Variants in PITX1 observed in about 807,000 individuals in gnomAD.
The protein encoded by PITX1 is paired like homeodomain 1.
Under a neutral mutation model 24.1 loss-of-function variants are expected in PITX1, and 5 were observed. The observed-to-expected ratio is 0.21, with a 90% CI of 0.11 to 0.44. PITX1 has a LOEUF of 0.44. Ranked by LOEUF, PITX1 falls within the 20% of genes least tolerant of loss-of-function variation. The probability of loss-of-function intolerance (pLI) is 0.99; values close to 1 mark genes in which losing one functional copy is unlikely to be tolerated. For missense variants in PITX1, 401 were observed against 455.4 expected (o/e 0.88, Z 1.09); for synonymous variants, 213 against 208.9 (o/e 1.02, Z -0.17).
chr5:135,030,179 T>A (rs1752424188), intron 2 of PITX1, among the ~76,000 whole-genome samples: 1 of 152,170 alleles, frequency 6.6e-6, no homozygotes, highest in Non-Finnish European at 1.5e-5. Flanking sequence ...TCCTTACCTA[T>A]CTGCCTACCG....
Position 135,033,685 on chromosome 5 carries a change from T to A in PITX1, c.169+28A>T, listed in dbSNP as rs1025671284. 3.1e-6 allele frequency: 5 copies of A among 1,591,188 alleles called. No individual in the cohort carries two copies. The highest frequency in any genetic ancestry group is 4.3e-6 in the Non-Finnish European group (5 of 1,175,958). ...GTGCTCCGCGCCCGGGTAGGCTCTG[T>A]GCGCGCCGCGCGGGGAACGGCGCTT... On this transcript the variant is annotated intron_variant, in intron 1 of 2. Coordinates refer to ENST00000265340, the MANE Select transcript of PITX1 (RefSeq NM_002653.5). This position sits in a 1 kb window ranked among gnomAD's most constrained non-coding sequence, Gnocchi z 5.9.
In PITX1 at chr5:135,028,907, C is replaced by T. The variant is rs747391523; in HGVS notation, c.817G>A (p.Val273Ile). ...PYGTPASPYSVYRDTCNSSLA... is the reference protein window; with the variant it reads ...PYGTPASPYSIYRDTCNSSLA... The stretch of plus-strand genomic sequence containing the variant: ...CTCGAGTTGCACGTGTCCCGGTAGA[C>T]GCTGTAGGGCGAGGCGGGAGTGCCG... The change falls in exon 3 of 3, where the codon GTC (valine) becomes ATC (isoleucine). Residue 273 changes from valine to isoleucine, a missense_variant. Val to Ile is a conservative substitution (Grantham distance 29). This residue lies in a region of PITX1 where 217 missense variants were observed against 219.8 expected (regional missense o/e 0.99). Coordinates refer to ENST00000265340, the MANE Select transcript of PITX1 (RefSeq NM_002653.5). 2.5e-6 allele frequency: 4 copies of T among 1,613,764 alleles called. No individual in the cohort carries two copies. Among genetic ancestry groups the T allele is most frequent in the Middle Eastern group, 1.7e-4 (1 of 6,054 alleles).
chr5:135,031,642 G>T (rs772684588), intron 1 of PITX1, 134 bp from the exon 2 acceptor site: 12 of 731,392 alleles, frequency 1.6e-5, no homozygotes, highest in Non-Finnish European at 2.2e-5. Flanking sequence ...CCTGGGAACT[G>T]TCCCCACTGG....
chr5:135,030,740 A>T lies in PITX1; in HGVS notation c.402+536T>A, dbSNP rs940459274. Among the ~76,000 whole-genome samples the T allele has an allele frequency of 1.1e-4, 16 of 152,244 alleles. No individual in the cohort carries two copies. The East Asian group carries it at 1.5e-3, about 15-fold the overall frequency. On this transcript the variant is annotated intron_variant, in intron 2 of 2. Transcript: ENST00000265340. ...CAAAGGGTCCTACTGATGGCTGGGGAGGGTGGAGAATATCTTGAGCTTTTA... is the reference window on the plus strand; with the variant it reads ...CAAAGGGTCCTACTGATGGCTGGGGTGGGTGGAGAATATCTTGAGCTTTTA...
Position 135,033,974 on chromosome 5 carries a change from T to A in PITX1, c.-93A>T. On this transcript the variant is annotated 5_prime_UTR_variant, in exon 1 of 3. It removes the in-frame stop codon of an upstream open reading frame in the 5' UTR. Transcript: ENST00000265340. This position sits in a 1 kb window ranked among gnomAD's most constrained non-coding sequence, Gnocchi z 5.9. ...CCTGCGGGGACAAGAGCGCAGCGCC[T>A]AAGCGGCTGCCCTCCAGGGCTGCCG... 3 of 839,014 alleles carry A rather than the reference T, an allele frequency of 3.6e-6. No individual in the cohort carries two copies. Among genetic ancestry groups the A allele is most frequent in the Non-Finnish European group, 4.8e-6 (3 of 630,244 alleles). The allele number at this position is 839,014 out of a possible 1,614,324, so 52.0% of individuals were successfully genotyped here. A position where few individuals can be genotyped will look rare whatever the true frequency, so the allele number is the denominator to read the frequency against.
rs766860676 is a variant in PITX1 at position 135,031,285 on chromosome 5, C to G, written c.393G>C (p.Pro131=). The G allele has an allele frequency of 1.2e-6, 2 of 1,613,932 alleles. No homozygotes were observed. Among genetic ancestry groups the G allele is most frequent in the African/African-American group, 2.7e-5 (2 of 75,044 alleles). ...CGCACCCCTTGCTCACCCGCACGCG[C>G]GGCTCGGTGAGGTTGGTCCACACGG... The part of the protein sequence containing the change: ...EIAVWTNLTE[P]RVRVWFKNRR... The change falls in exon 2 of 3, where the codon CCG becomes CCC. Residue 131 remains proline (P), a synonymous_variant. Coordinates refer to ENST00000265340, the MANE Select transcript of PITX1 (RefSeq NM_002653.5).
At chr5:135,029,772 G>A (rs1395326918) in intron 2 of PITX1, among the ~76,000 whole-genome samples, 1 of 152,178 alleles carries the variant, frequency 6.6e-6, no homozygotes, top group African/African-American at 2.4e-5. Context: ...CAAATAGTTT[G>A]TTATCATCTT....
intron 2 of PITX1, 95 bp downstream of exon 2, chr5:135,031,181 A>G (rs376433854): frequency 1.1e-6 from 1 of 896,024 alleles, no homozygotes. Context: ...GGGAGAGTGA[A>G]GTTCTGCTTG....
At chr5:135,031,154 G>A (rs1296841242) in intron 2 of PITX1, 122 bp downstream of exon 2, 1 of 754,244 alleles carries the variant, frequency 1.3e-6, no homozygotes, top group Non-Finnish European at 2.3e-6. Flanking sequence ...TGGAGGGAGG[G>A]AGCAGGTCTG....
intron 2 of PITX1, among the ~76,000 whole-genome samples, chr5:135,030,722 T>G (rs1263139244): frequency 2.0e-5 from 3 of 152,100 alleles, no homozygotes; most frequent in South Asian, 2.1e-4. Context: ...AGGCAAAGGG[T>G]CCTACTGATG....
chr5:135,033,614 A>T lies in PITX1; in HGVS notation c.169+99T>A, dbSNP rs1752504356. On this transcript the variant is annotated intron_variant, in intron 1 of 2. Coordinates refer to ENST00000265340, the MANE Select transcript of PITX1 (RefSeq NM_002653.5). This position sits in a 1 kb window ranked among gnomAD's most constrained non-coding sequence, Gnocchi z 5.9. ...CCTGACGCTTCTGGGGCGGAGAGGG[A>T]GCTTGGTTGCGCGGCGCGGGCGTCA... The T allele has an allele frequency of 8.3e-7, 1 of 1,208,092 alleles. No homozygotes were observed. The highest frequency in any genetic ancestry group is 1.2e-6 in the Non-Finnish European group (1 of 846,274). The allele number at this position is 1,208,092 out of a possible 1,614,324, so 74.8% of individuals were successfully genotyped here. A position where few individuals can be genotyped will look rare whatever the true frequency, so the allele number is the denominator to read the frequency against.
Position 135,033,458 on chromosome 5 carries a change from C to T in PITX1, c.169+255G>A. 1.8e-6 allele frequency: 1 copy of T among 541,154 alleles called. No homozygotes were observed. Among genetic ancestry groups the T allele is most frequent in the Non-Finnish European group, 3.3e-6 (1 of 304,556 alleles). 33.5% of individuals were successfully genotyped at this position (541,154 alleles called of 1,614,324 possible). A position where few individuals can be genotyped will look rare whatever the true frequency, so the allele number is the denominator to read the frequency against. On this transcript the variant is annotated intron_variant, in intron 1 of 2. Transcript: ENST00000265340. The surrounding 1 kb of genome is among the most constrained non-coding windows in gnomAD (Gnocchi z 5.9). The stretch of plus-strand genomic sequence containing the variant: ...TTTACTCCTGATCAAGAGGGGCTGT[C>T]AGTCCAACCCTCCAGCTGTAGGCTC...
rs1230362856 is a variant in PITX1 at position 135,033,611 on chromosome 5, G to C, written c.169+102C>G. 1 of 1,186,086 alleles carries C rather than the reference G, an allele frequency of 8.4e-7. No individual in the cohort carries two copies. The highest frequency in any genetic ancestry group is 1.5e-5 in the African/African-American group (1 of 65,178). The allele number at this position is 1,186,086 out of a possible 1,614,324, so 73.5% of individuals were successfully genotyped here. A position where few individuals can be genotyped will look rare whatever the true frequency, so the allele number is the denominator to read the frequency against. On this transcript the variant is annotated intron_variant, in intron 1 of 2. Coordinates refer to ENST00000265340, the MANE Select transcript of PITX1 (RefSeq NM_002653.5). The surrounding 1 kb of genome is among the most constrained non-coding windows in gnomAD (Gnocchi z 5.9). The stretch of plus-strand genomic sequence containing the variant: ...GCTCCTGACGCTTCTGGGGCGGAGA[G>C]GGAGCTTGGTTGCGCGGCGCGGGCG...
intron 1 of PITX1, 37 bp from the exon 2 acceptor site, chr5:135,031,545 T>G: frequency 6.5e-7 from 1 of 1,527,478 alleles, no homozygotes; most frequent in Non-Finnish European, 8.9e-7. Context: ...TCACCTGGGC[T>G]TACGCCCCGT....
At chr5:135,031,745 T>G (rs1752455282) in intron 1 of PITX1, 3 of 591,064 alleles carry the variant, frequency 5.1e-6, no homozygotes, top group East Asian at 5.6e-5. Context: ...GCCGCGGGCC[T>G]GCGTTCCTGG....
rs578106534 is a variant in PITX1 at position 135,028,682 on chromosome 5, CT to C, written c.*96del. 4.6e-4 allele frequency: 384 copies of C among 834,812 alleles called. 1 individual carries two copies. In the African/African-American group the frequency reaches 6.5e-3, roughly 14 times the overall value. 51.7% of individuals were successfully genotyped at this position (834,812 alleles called of 1,614,324 possible). On this transcript the variant is annotated 3_prime_UTR_variant, in exon 3 of 3. Transcript: ENST00000265340. ...GGTGTGAGGTCCGCGGCGCGGTGAG[CT>C]GGGGCTTGCGAGCCGGGGCCCCGCG...
At position 135,031,287 on chromosome 5, in the gene PITX1, GCT is replaced by G. The variant is rs1752442755; in HGVS notation, c.389_390del (p.Glu130AlafsTer16). ...EEIAVWTNLT[E>X]PRVRVWFKNR... ...CACCCCTTGCTCACCCGCACGCGCG[GCT>G]CGGTGAGGTTGGTCCACACGGCGAT... On this transcript the variant is annotated frameshift_variant, in exon 2 of 3. Transcript: ENST00000265340. LOFTEE classifies it high-confidence loss of function. The G allele has an allele frequency of 6.2e-7, 1 of 1,613,808 alleles. No individual in the cohort carries two copies. Among genetic ancestry groups the G allele is most frequent in the Non-Finnish European group, 8.5e-7 (1 of 1,179,822 alleles).
chr5:135,033,705 G>T lies in PITX1; in HGVS notation c.169+8C>A. ...CTCTGTGCGCGCCGCGCGGGGAACGGCGCTTACCTGGCAGCTCCGTGTCAG... is the reference window on the plus strand; with the variant it reads ...CTCTGTGCGCGCCGCGCGGGGAACGTCGCTTACCTGGCAGCTCCGTGTCAG... On this transcript the variant is annotated splice_region_variant and intron_variant, in intron 1 of 2. Coordinates refer to ENST00000265340, the MANE Select transcript of PITX1 (RefSeq NM_002653.5). The surrounding 1 kb of genome is among the most constrained non-coding windows in gnomAD (Gnocchi z 5.9). 6.3e-7 allele frequency: 1 copy of T among 1,595,360 alleles called. No individual in the cohort carries two copies.
rs966687787 is a variant in PITX1 at position 135,033,229 on chromosome 5, C to T, written c.169+484G>A. 9.8e-6 allele frequency: 3 copies of T among 306,212 alleles called. No individual in the cohort carries two copies. Among genetic ancestry groups the T allele is most frequent in the South Asian group, 5.0e-5 (2 of 40,004 alleles). 19.0% of individuals were successfully genotyped at this position (306,212 alleles called of 1,614,324 possible). Reference sequence around the variant, plus strand: ...CTCCCTTCTACTTGATGACCCCTCTCCCCCCGTTTACCCTTCCCGCCCGCC... The same window carrying T: ...CTCCCTTCTACTTGATGACCCCTCTTCCCCCGTTTACCCTTCCCGCCCGCC... On this transcript the variant is annotated intron_variant, in intron 1 of 2. Coordinates refer to ENST00000265340, the MANE Select transcript of PITX1 (RefSeq NM_002653.5). This position sits in a 1 kb window ranked among gnomAD's most constrained non-coding sequence, Gnocchi z 5.9.
Sources: gnomAD v4.1 joint callset for allele counts (sites outside exome capture counted in the v4.1 genomes callset) on GRCh38, gnomAD v4.1.1 for gene constraint, gnomAD v4.1.1 regional missense constraint, Gnocchi (gnomAD v3.1) non-coding constraint, MANE v1.5 for transcripts, NCBI Gene and HGNC (gene_info 2026-07-23, HGNC 2026-07-21) for gene names.